Variants in LYPD6B observed in about 807,000 individuals in gnomAD.
The protein encoded by LYPD6B is LY6/PLAUR domain containing 6B.
In LYPD6B, 17 loss-of-function variants were observed where a neutral mutation model predicts 22.8. The observed-to-expected ratio is 0.75, with a 90% CI of 0.51 to 1.12. The LOEUF is 1.12. Ranked by LOEUF, LYPD6B falls within the 50% of genes most tolerant of loss-of-function variation. The probability of loss-of-function intolerance (pLI) is 0.00; values close to 1 mark genes in which losing one functional copy is unlikely to be tolerated. For missense variants in LYPD6B, 221 were observed against 258.3 expected (o/e 0.86, Z 0.99); for synonymous variants, 106 against 91.6 (o/e 1.16, Z -0.90).
At chr2:149,157,987 C>T (rs115593681) in intron 2 of LYPD6B, among the ~76,000 whole-genome samples, 1 of 152,146 alleles carries the variant, frequency 6.6e-6, no homozygotes, top group Non-Finnish European at 1.5e-5. Flanking sequence ...TGAAGAGTTA[C>T]ACGTAGCAGG....
At chr2:149,201,198 C>T (rs1693128727) in intron 3 of LYPD6B, among the ~76,000 whole-genome samples, 1 of 152,134 alleles carries the variant, frequency 6.6e-6, no homozygotes, top group Non-Finnish European at 1.5e-5. Flanking sequence ...ATGTGGATTC[C>T]TTTGAGATAC....
chr2:149,167,803 T>C (rs1394098328), intron 3 of LYPD6B, among the ~76,000 whole-genome samples: 2 of 152,192 alleles, frequency 1.3e-5, no homozygotes, highest in Admixed American at 6.5e-5. Context: ...GGAAAGACAA[T>C]ACTTGAAAGT....
At chr2:149,084,400 T>C (rs1377247778) in intron 1 of LYPD6B, among the ~76,000 whole-genome samples, 2 of 40,204 alleles carry the variant, frequency 5.0e-5, no homozygotes, top group Non-Finnish European at 1.0e-4. Flanking sequence ...TTAATATTTA[T>C]GACAGTTACA....
At chr2:149,151,401 G>C (rs1261163195) in intron 2 of LYPD6B, among the ~76,000 whole-genome samples, 1 of 152,120 alleles carries the variant, frequency 6.6e-6, no homozygotes, top group Non-Finnish European at 1.5e-5. Flanking sequence ...TTTATCCACT[G>C]CTCCATTTTG....
At chr2:149,178,704 G>A (rs2105974350) in intron 3 of LYPD6B, among the ~76,000 whole-genome samples, 1 of 152,272 alleles carries the variant, frequency 6.6e-6, no homozygotes, top group Middle Eastern at 3.4e-3. Context: ...AAGCCTAATG[G>A]CTGTTTTATG....
intron 1 of LYPD6B, among the ~76,000 whole-genome samples, chr2:149,097,125 C>T (rs1207631586): frequency 2.0e-5 from 3 of 152,248 alleles, no homozygotes; most frequent in Admixed American, 6.5e-5. Context: ...CCTGAAAGAC[C>T]TGTAGGCACG....
chr2:149,082,163 C>T (rs1685165615), intron 1 of LYPD6B, among the ~76,000 whole-genome samples: 11 of 152,172 alleles, frequency 7.2e-5, no homozygotes, highest in Admixed American at 7.2e-4. Context: ...TTATTTTCTC[C>T]CCCTTAATAT....
chr2:149,056,304 C>T (rs760480269), intron 1 of LYPD6B, among the ~76,000 whole-genome samples: 6 of 152,158 alleles, frequency 3.9e-5, no homozygotes, highest in Non-Finnish European at 8.8e-5. Flanking sequence ...GAATGAAACA[C>T]AGGCCATGTC....
At chr2:149,083,176 C>T (rs181839708) in intron 1 of LYPD6B, among the ~76,000 whole-genome samples, 18 of 152,310 alleles carry the variant, frequency 1.2e-4, no homozygotes, top group Admixed American at 9.1e-4. Flanking sequence ...ATACCATGGC[C>T]GTGTGCTGCA....
intron 1 of LYPD6B, among the ~76,000 whole-genome samples, chr2:149,092,774 G>C (rs1685716746): frequency 6.6e-6 from 1 of 152,190 alleles, no homozygotes; most frequent in Admixed American, 6.5e-5. Flanking sequence ...ATGAGGCAGA[G>C]GGCCCTGCTC....
chr2:149,213,739 T>A (rs557294706), intron 6 of LYPD6B, among the ~76,000 whole-genome samples: 1 of 152,278 alleles, frequency 6.6e-6, no homozygotes, highest in South Asian at 2.1e-4. Context: ...CTGGGTAGCT[T>A]TTACAAGCTC....
chr2:149,110,577 G>A (rs1451642113), intron 1 of LYPD6B, among the ~76,000 whole-genome samples: 2 of 152,022 alleles, frequency 1.3e-5, no homozygotes, highest in Non-Finnish European at 2.9e-5. Flanking sequence ...TCCTTTCTGA[G>A]TACCGTATCA....
At chr2:149,114,881 A>T (rs915883863) in intron 1 of LYPD6B, among the ~76,000 whole-genome samples, 1 of 152,214 alleles carries the variant, frequency 6.6e-6, no homozygotes, top group Admixed American at 6.5e-5. Flanking sequence ...TAATGTCAAC[A>T]TGGACTTGTG....
chr2:149,108,958 C>T (rs141126191), intron 1 of LYPD6B, among the ~76,000 whole-genome samples: 1 of 152,206 alleles, frequency 6.6e-6, no homozygotes, highest in East Asian at 1.9e-4. Context: ...GTATAAATTC[C>T]TTCTCCCTGC....
chr2:149,045,518 A>G (rs971417186), intron 1 of LYPD6B, among the ~76,000 whole-genome samples: 6 of 151,952 alleles, frequency 3.9e-5, no homozygotes, highest in African/African-American at 1.4e-4. Context: ...TTTTGTTTTA[A>G]TAGAAGTATT....
chr2:149,208,026 A>G (rs1251883339), intron 4 of LYPD6B, among the ~76,000 whole-genome samples: 1 of 152,086 alleles, frequency 6.6e-6, no homozygotes, highest in African/African-American at 2.4e-5. Flanking sequence ...TTATTCCCAA[A>G]TTATAAATGA....
In LYPD6B at chr2:149,084,289, C is replaced by T. The variant is rs923316947; in HGVS notation, c.-67+45488C>T. ...CAAAATTAAGATTTTGTAATTCTTT[C>T]ACTCCTTCTACCTTGAGTTACTGGC... is the stretch of plus-strand genomic sequence containing the variant. On this transcript the variant is annotated intron_variant, in intron 1 of 6. Transcript: ENST00000409642. Among the ~76,000 whole-genome samples the T allele has an allele frequency of 7.9e-5, 12 of 152,290 alleles. No homozygotes were observed. In the South Asian group the frequency reaches 2.5e-3, roughly 32 times the overall value.
intron 1 of LYPD6B, among the ~76,000 whole-genome samples, chr2:149,104,521 T>C (rs903837922): frequency 3.9e-5 from 6 of 152,354 alleles, no homozygotes; most frequent in South Asian, 2.1e-4. Flanking sequence ...TCATCATTTA[T>C]ATACCATTTC....
At chr2:149,114,929 A>G (rs1420006724) in intron 1 of LYPD6B, among the ~76,000 whole-genome samples, 1 of 152,106 alleles carries the variant, frequency 6.6e-6, no homozygotes, top group Non-Finnish European at 1.5e-5. Context: ...AATCCTCACT[A>G]TAGTGATTTA....
Sources: allele counts gnomAD v4.1 joint callset (sites outside exome capture counted in the v4.1 genomes callset), GRCh38; gene constraint gnomAD v4.1.1; transcripts MANE v1.5; gene names NCBI Gene and HGNC (gene_info 2026-07-23, HGNC 2026-07-21).